Variants in CADM2 observed in about 807,000 individuals in gnomAD.
CADM2 encodes cell adhesion molecule 2.
In CADM2, 12 loss-of-function variants were observed where a neutral mutation model predicts 49.8. The observed-to-expected ratio is 0.24, with a 90% CI of 0.15 to 0.39. The LOEUF (loss-of-function observed/expected upper bound fraction) is 0.39, where lower values mean the gene tolerates loss of function less well. Ranked by LOEUF, CADM2 falls within the 10% of genes least tolerant of loss-of-function variation. CADM2 has a pLI of 1.00. For synonymous variants in CADM2, 214 were observed against 175.4 expected, an observed-to-expected ratio of 1.22 and a Z score of -1.74; for missense variants, 378 against 492.3, an observed-to-expected ratio of 0.77 and a Z score of 2.20.
intron 1 of CADM2, among the ~76,000 whole-genome samples, chr3:85,203,103 A>G (rs1182682615): frequency 6.6e-6 from 1 of 152,054 alleles, no homozygotes; most frequent in Non-Finnish European, 1.5e-5. Context: ...CTCAAGCTGG[A>G]GCTCTTTCTT....
chr3:85,864,869 GCTAT>G (rs1293072607), intron 3 of CADM2, among the ~76,000 whole-genome samples: 1 of 151,938 alleles, frequency 6.6e-6, no homozygotes, highest in African/African-American at 2.4e-5. Flanking sequence ...TCTTCTTTTT[GCTAT>G]CTTTTTTCTA....
At chr3:85,788,052 T>C (rs1392635024) in intron 2 of CADM2, among the ~76,000 whole-genome samples, 1 of 152,148 alleles carries the variant, frequency 6.6e-6, no homozygotes, top group African/African-American at 2.4e-5. Flanking sequence ...ACTAAGTCTT[T>C]ATTTATGTGT....
intron 1 of CADM2, among the ~76,000 whole-genome samples, chr3:85,041,239 G>A (rs182003063): frequency 1.6e-3 from 237 of 152,192 alleles, no homozygotes; most frequent in African/African-American, 4.9e-3. Context: ...ACTTAAATCT[G>A]CCTTATATTT....
At position 85,533,698 on chromosome 3, in the gene CADM2, G is replaced by T. The variant is rs141540118; in HGVS notation, c.62-192824G>T. Among the ~76,000 whole-genome samples the T allele has an allele frequency of 4.3e-3, 658 of 152,248 alleles. 6 individuals carry two copies. The highest frequency in any genetic ancestry group is 0.015 in the African/African-American group (630 of 41,546). The stretch of plus-strand genomic sequence containing the variant: ...GAAACAGAGCGAATAGGGCATGAAA[G>T]AAATTATTACAGTGGAAAGTTATTA... On this transcript the variant is annotated intron_variant, in intron 1 of 9. Transcript: ENST00000383699.
chr3:85,879,666 A>G (rs756247345), intron 3 of CADM2, among the ~76,000 whole-genome samples: 25 of 152,124 alleles, frequency 1.6e-4, no homozygotes, highest in Admixed American at 9.2e-4. Flanking sequence ...AAAATTTTTT[A>G]ATCAATTTTT....
At chr3:85,623,144 T>A (rs1687656802) in intron 1 of CADM2, among the ~76,000 whole-genome samples, 1 of 152,252 alleles carries the variant, frequency 6.6e-6, no homozygotes, top group East Asian at 1.9e-4. Flanking sequence ...GGACAAAATG[T>A]CACTTAACAC....
At chr3:85,704,583 T>A (rs2066879411) in intron 1 of CADM2, among the ~76,000 whole-genome samples, 1 of 152,082 alleles carries the variant, frequency 6.6e-6, no homozygotes, top group Non-Finnish European at 1.5e-5. Flanking sequence ...CTAATTCTGT[T>A]CATGAGGGCT....
At chr3:85,830,260 C>G (rs2074126591) in intron 3 of CADM2, among the ~76,000 whole-genome samples, 1 of 151,758 alleles carries the variant, frequency 6.6e-6, no homozygotes, top group South Asian at 2.1e-4. Flanking sequence ...TTTGCATATC[C>G]CTGGTGATTA....
intron 7 of CADM2, among the ~76,000 whole-genome samples, chr3:85,958,969 A>G (rs1265428912): frequency 2.0e-5 from 3 of 151,644 alleles, no homozygotes; most frequent in Non-Finnish European, 2.9e-5. Context: ...TGGTACAAGT[A>G]TACCTACGTA....
chr3:85,094,335 T>G (rs1339208819), intron 1 of CADM2, among the ~76,000 whole-genome samples: 1 of 152,184 alleles, frequency 6.6e-6, no homozygotes, highest in African/African-American at 2.4e-5. Flanking sequence ...ATTCAGCTAC[T>G]AATATTGTCC....
At chr3:85,764,291 ATAAAAT>A (rs2069544937) in intron 2 of CADM2, among the ~76,000 whole-genome samples, 3 of 152,162 alleles carry the variant, frequency 2.0e-5, no homozygotes, top group African/African-American at 7.2e-5. Context: ...ATAGTTAAAA[ATAAAAT>A]TAATAATGTG....
chr3:85,872,412 G>A (rs7645859), intron 3 of CADM2, among the ~76,000 whole-genome samples: 5,778 of 151,416 alleles, frequency 0.038, 185 homozygotes, highest in South Asian at 0.11. Context: ...AATTTCACAT[G>A]TGTCTAATTT....
chr3:85,289,454 A>G (rs185958866), intron 1 of CADM2, among the ~76,000 whole-genome samples: 48 of 152,346 alleles, frequency 3.2e-4, no homozygotes, highest in Admixed American at 1.4e-3. Context: ...TATGCTTGCA[A>G]TAGACTGTTA....
intron 1 of CADM2, chr3:84,960,031 T>A (rs2030314934): frequency 1.1e-5 from 4 of 367,996 alleles, no homozygotes; most frequent in African/African-American, 8.4e-5. Context: ...ACCAGCCACC[T>A]CCCACATCAC....
chr3:85,537,259 T>G lies in CADM2; in HGVS notation c.62-189263T>G, dbSNP rs568214121. Among the ~76,000 whole-genome samples the G allele has an allele frequency of 1.8e-3, 281 of 152,214 alleles. 1 individual carries two copies. The highest frequency in any genetic ancestry group is 8.1e-3 in the South Asian group (39 of 4,826). Reference sequence around the variant, plus strand: ...TTGAAATTGCTAATACAGTAACTTTTTCAACATTTTTTAAGTATCAAAATA... The same window carrying G: ...TTGAAATTGCTAATACAGTAACTTTGTCAACATTTTTTAAGTATCAAAATA... On this transcript the variant is annotated intron_variant, in intron 1 of 9. Coordinates refer to ENST00000383699, the MANE Select transcript of CADM2 (RefSeq NM_001167675.2).
chr3:85,910,036 T>C (rs1269055860), intron 5 of CADM2, among the ~76,000 whole-genome samples: 1 of 152,194 alleles, frequency 6.6e-6, no homozygotes, highest in Non-Finnish European at 1.5e-5. Flanking sequence ...CTTTTGTTTA[T>C]TTTACTTGAA....
chr3:85,513,058 A>G (rs1162794938), intron 1 of CADM2, among the ~76,000 whole-genome samples: 1 of 152,090 alleles, frequency 6.6e-6, no homozygotes, highest in African/African-American at 2.4e-5. Context: ...CTAAATTAAT[A>G]TATTCTAAAA....
chr3:85,432,113 G>GAT (rs1304245232), intron 1 of CADM2, among the ~76,000 whole-genome samples: 1 of 151,428 alleles, frequency 6.6e-6, no homozygotes, highest in Admixed American at 6.6e-5. Context: ...AAACAAAAGA[G>GAT]ATTGGAAGAC....
intron 2 of CADM2, among the ~76,000 whole-genome samples, chr3:85,728,176 C>G (rs1014256510): frequency 2.6e-5 from 4 of 152,122 alleles, no homozygotes; most frequent in African/African-American, 9.7e-5. Context: ...AGGTATCTGT[C>G]AAGTCATTTC....
Sources: allele counts gnomAD v4.1 joint callset (sites outside exome capture counted in the v4.1 genomes callset), GRCh38; gene constraint gnomAD v4.1.1; transcripts MANE v1.5; gene names NCBI Gene and HGNC (gene_info 2026-07-23, HGNC 2026-07-21).